JPH2: variants seen among roughly 807,000 people sequenced by gnomAD.
JPH2 encodes junctophilin-2.
In JPH2, 38 loss-of-function variants were observed where a neutral mutation model predicts 55.9. That is an observed-to-expected ratio of 0.68 (90% CI 0.52 to 0.89). The LOEUF (loss-of-function observed/expected upper bound fraction) is 0.89. JPH2 is among the 40% of genes least tolerant of loss of function. The probability of loss-of-function intolerance (pLI) is 0.00; values close to 1 mark genes in which losing one functional copy is unlikely to be tolerated. For missense variants in JPH2, 964 were observed against 1,037.6 expected (o/e 0.93, Z 0.97); for synonymous variants, 480 against 472.4 (o/e 1.02, Z -0.21).
chr20:44,170,440 A>G (rs6073356), intron 1 of JPH2, among the ~76,000 whole-genome samples: 36,453 of 152,174 alleles, frequency 0.24, 4,718 homozygotes, highest in South Asian at 0.3. Context: ...TAGAAGTGTC[A>G]TCAACAAATT....
At chr20:44,157,778 T>C (rs1569208655) in intron 2 of JPH2, among the ~76,000 whole-genome samples, 2 of 152,260 alleles carry the variant, frequency 1.3e-5, no homozygotes, top group East Asian at 3.9e-4. Flanking sequence ...GGCCAGGATT[T>C]GGCCCTAGGC....
intron 2 of JPH2, among the ~76,000 whole-genome samples, chr20:44,126,145 AGGGAGG>A (rs1569186875): frequency 4.3e-4 from 26 of 60,924 alleles, no homozygotes; most frequent in African/African-American, 1.5e-3. Context: ...AGAGAGAGGG[AGGGAGG>A]GAGGGAGGGA....
chr20:44,186,528 AG>A lies in JPH2; in HGVS notation c.177del (p.Phe60LeufsTer15). 1 of 1,613,622 alleles carries A rather than the reference AG, an allele frequency of 6.2e-7. No homozygotes were observed. Among genetic ancestry groups the A allele is most frequent in the Non-Finnish European group, 8.5e-7 (1 of 1,179,708 alleles). Reference sequence around the variant, plus strand: ...TTGCCCTGGCTCCAGTATCCCTCAAAGGTGTTTCCGCTGGGCCAGGTGTAGA... The same window carrying A: ...TTGCCCTGGCTCCAGTATCCCTCAAAGTGTTTCCGCTGGGCCAGGTGTAGA... Reference protein sequence around the residue: ...AGVYTWPSGNTFEGYWSQGKR... With the variant: ...AGVYTWPSGNXFEGYWSQGKR... On this transcript the variant is annotated frameshift_variant, in exon 1 of 6. Coordinates refer to ENST00000372980, the MANE Select transcript of JPH2 (RefSeq NM_020433.5). LOFTEE classifies it high-confidence loss of function.
At chr20:44,175,042 T>C (rs1004372035) in intron 1 of JPH2, among the ~76,000 whole-genome samples, 3 of 151,986 alleles carry the variant, frequency 2.0e-5, no homozygotes, top group Admixed American at 2.0e-4. Context: ...ATATGCTCAT[T>C]GCAAAAAAAA....
chr20:44,123,159 C>T (rs74173189), intron 2 of JPH2, among the ~76,000 whole-genome samples: 1 of 152,182 alleles, frequency 6.6e-6, no homozygotes, highest in Non-Finnish European at 1.5e-5. Context: ...CTGTCCATCT[C>T]CAACCACCCG....
At chr20:44,171,805 T>C (rs1180626844) in intron 1 of JPH2, among the ~76,000 whole-genome samples, 1 of 152,226 alleles carries the variant, frequency 6.6e-6, no homozygotes, top group Non-Finnish European at 1.5e-5. Flanking sequence ...AATTCTTCTA[T>C]TTTTCCTTCA....
intron 2 of JPH2, among the ~76,000 whole-genome samples, chr20:44,125,430 C>T (rs1200733350): frequency 6.6e-6 from 1 of 152,192 alleles, no homozygotes; most frequent in Non-Finnish European, 1.5e-5. Flanking sequence ...CCTGTGTAAA[C>T]ACATATGGCC....
intron 1 of JPH2, among the ~76,000 whole-genome samples, chr20:44,161,932 C>A (rs528470748): frequency 4.4e-4 from 67 of 152,206 alleles, no homozygotes; most frequent in African/African-American, 1.6e-3. Flanking sequence ...AATTTGTGTT[C>A]CCTCAGATGG....
chr20:44,115,806 C>T lies in JPH2; in HGVS notation c.1869G>A (p.Glu623=), dbSNP rs757784357. Residue 623 remains glutamate, a synonymous_variant, in exon 4 of 6, where the codon GAG becomes GAA. Transcript: ENST00000372980. ...EPARETPAKL[E]PKPIIPKAEP... The stretch of plus-strand genomic sequence containing the variant: ...CGGCTTTGGGGATGATGGGCTTGGG[C>T]TCCAGCTTGGCGGGGGTCTCGCGTG... 3 of 1,606,638 alleles carry T rather than the reference C, an allele frequency of 1.9e-6. No homozygotes were observed. Among genetic ancestry groups the T allele is most frequent in the South Asian group, 2.2e-5 (2 of 91,032 alleles).
chr20:44,118,053 T>C (rs1209859559), intron 3 of JPH2, among the ~76,000 whole-genome samples: 1 of 152,204 alleles, frequency 6.6e-6, no homozygotes, highest in Non-Finnish European at 1.5e-5. Context: ...ATGGTACCCC[T>C]AGCTCTGTTG....
chr20:44,114,757 C>A, intron 5 of JPH2, 25 bp downstream of exon 5: 1 of 1,551,034 alleles, frequency 6.4e-7, no homozygotes, highest in Middle Eastern at 1.8e-4. Flanking sequence ...GCCCCCCAAC[C>A]CCTCCTCCAG....
chr20:44,173,288 T>G (rs556516895), intron 1 of JPH2, among the ~76,000 whole-genome samples: 32 of 152,300 alleles, frequency 2.1e-4, no homozygotes, highest in African/African-American at 7.7e-4. Flanking sequence ...AAATATTTTT[T>G]GAACTTTTAC....
Position 44,108,118 on chromosome 20 carries a change from T to G in JPH2, c.*5400A>C, listed in dbSNP as rs150549388. Among the ~76,000 whole-genome samples, 1 of 152,312 alleles carries G rather than the reference T, an allele frequency of 6.6e-6. No homozygotes were observed. Among genetic ancestry groups the G allele is most frequent in the East Asian group, 1.9e-4 (1 of 5,180 alleles). On this transcript the variant is annotated 3_prime_UTR_variant, in exon 6 of 6. Coordinates refer to ENST00000372980, the MANE Select transcript of JPH2 (RefSeq NM_020433.5). ...GATTCAATCAATCACCTCTACATAATGAAGTCCCAATAAAAACTCTGGACA... is the reference window on the plus strand; with the variant it reads ...GATTCAATCAATCACCTCTACATAAGGAAGTCCCAATAAAAACTCTGGACA...
chr20:44,143,523 T>C (rs1211498859), intron 2 of JPH2, among the ~76,000 whole-genome samples: 1 of 152,194 alleles, frequency 6.6e-6, no homozygotes, highest in African/African-American at 2.4e-5. Context: ...AGACGGACAA[T>C]GCTGCAGATA....
At chr20:44,134,897 T>TA (rs2072396741) in intron 2 of JPH2, among the ~76,000 whole-genome samples, 2 of 37,402 alleles carry the variant, frequency 5.3e-5, no homozygotes, top group South Asian at 1.0e-3. Context: ...TTAATATATA[T>TA]TTATATATAT....
At position 44,160,729 on chromosome 20, in the gene JPH2, T is replaced by G. The variant is rs2072604667; in HGVS notation, c.380-322A>C. On this transcript the variant is annotated intron_variant, in intron 1 of 5. Coordinates refer to ENST00000372980, the MANE Select transcript of JPH2 (RefSeq NM_020433.5). This position sits in a 1 kb window ranked among gnomAD's most constrained non-coding sequence, Gnocchi z 4.9. ...TGGAGAGCATGGGCTTGTGTGTGTATTTGTGCAAGATCGTGCGTACAAGAC... is the reference window on the plus strand; with the variant it reads ...TGGAGAGCATGGGCTTGTGTGTGTAGTTGTGCAAGATCGTGCGTACAAGAC... 6.6e-6 allele frequency among the ~76,000 whole-genome samples: 1 copy of G among 152,176 alleles called. No homozygotes were observed. The highest frequency in any genetic ancestry group is 1.5e-5 in the Non-Finnish European group (1 of 68,030).
intron 1 of JPH2, among the ~76,000 whole-genome samples, chr20:44,182,916 G>T (rs1363927003): frequency 3.9e-5 from 6 of 152,192 alleles, no homozygotes; most frequent in Non-Finnish European, 8.8e-5. Flanking sequence ...TGAATGAATA[G>T]GTTTTCCTCT....
chr20:44,118,490 C>G lies in JPH2; in HGVS notation c.1288+15G>C, dbSNP rs369115643. On this transcript the variant is annotated intron_variant, in intron 3 of 5. Coordinates refer to ENST00000372980, the MANE Select transcript of JPH2 (RefSeq NM_020433.5). ...GATAGCCCTACCCTGCCCATCCTTC[C>G]CTGGCTGGCCCTACCTGGCTGGTAG... The G allele has an allele frequency of 8.8e-5, 141 of 1,600,934 alleles. No homozygotes were observed. The highest frequency in any genetic ancestry group is 1.2e-4 in the Non-Finnish European group (136 of 1,170,190).
At position 44,112,079 on chromosome 20, in the gene JPH2, G is replaced by C. The variant is rs1165034877; in HGVS notation, c.*1439C>G. 4 of 152,302 alleles carry C rather than the reference G, an allele frequency of 2.6e-5. No individual in the cohort carries two copies. Among genetic ancestry groups the C allele is most frequent in the African/African-American group, 7.2e-5 (3 of 41,444 alleles). The allele number at this position is 152,302 out of a possible 1,614,324, so 9.4% of individuals were successfully genotyped here. A position where few individuals can be genotyped will look rare whatever the true frequency, so the allele number is the denominator to read the frequency against. On this transcript the variant is annotated 3_prime_UTR_variant, in exon 6 of 6. Coordinates refer to ENST00000372980, the MANE Select transcript of JPH2 (RefSeq NM_020433.5). ...TGAAACGGCAAGTGTGAAGCTAAGG[G>C]AGAAGGTTCCCAAGCATTGAAGGGA...
Sources: gnomAD v4.1 joint callset for allele counts (sites outside exome capture counted in the v4.1 genomes callset) on GRCh38, gnomAD v4.1.1 for gene constraint, Gnocchi (gnomAD v3.1) non-coding constraint, MANE v1.5 for transcripts, NCBI Gene and HGNC (gene_info 2026-07-23, HGNC 2026-07-21) for gene names.